GRM7: variants seen among roughly 807,000 people sequenced by gnomAD.
GRM7 encodes metabotropic glutamate receptor 7.
Under a neutral mutation model 84.5 loss-of-function variants are expected in GRM7, and 35 were observed. The observed-to-expected ratio is 0.41, with a 90% CI of 0.32 to 0.55. The LOEUF is 0.55. Ranked by LOEUF, GRM7 falls within the 20% of genes least tolerant of loss-of-function variation. GRM7 has a pLI of 0.19. For synonymous variants in GRM7, 487 were observed against 455.1 expected (o/e 1.07, Z -0.89); for missense variants, 1,003 against 1,194.6 (o/e 0.84, Z 2.36).
intron 7 of GRM7, among the ~76,000 whole-genome samples, chr3:7,498,878 C>A (rs1327390874): frequency 6.6e-6 from 1 of 152,206 alleles, no homozygotes; most frequent in Non-Finnish European, 1.5e-5. Flanking sequence ...TCCTTGGCTG[C>A]CTCCTTCCAC....
At chr3:7,408,440 A>C (rs1254064902) in intron 4 of GRM7, among the ~76,000 whole-genome samples, 1 of 152,196 alleles carries the variant, frequency 6.6e-6, no homozygotes, top group East Asian at 1.9e-4. Flanking sequence ...TTGTTTTCTC[A>C]AAAATAATGG....
chr3:6,943,578 C>T (rs1168711213), intron 1 of GRM7, among the ~76,000 whole-genome samples: 1 of 151,992 alleles, frequency 6.6e-6, no homozygotes, highest in Non-Finnish European at 1.5e-5. Context: ...CGATATCCTA[C>T]TTTGTCAATT....
chr3:7,098,497 T>G (rs1166310857), intron 1 of GRM7, among the ~76,000 whole-genome samples: 1 of 151,990 alleles, frequency 6.6e-6, no homozygotes, highest in Non-Finnish European at 1.5e-5. Flanking sequence ...GAATCAGATA[T>G]GAGATTTTTT....
chr3:7,284,956 A>G (rs1699378472), intron 2 of GRM7, among the ~76,000 whole-genome samples: 1 of 152,210 alleles, frequency 6.6e-6, no homozygotes, highest in South Asian at 2.1e-4. Context: ...ATATATTACT[A>G]AAACTTAATA....
chr3:7,515,957 A>G (rs1700360409), intron 7 of GRM7, among the ~76,000 whole-genome samples: 1 of 151,918 alleles, frequency 6.6e-6, no homozygotes, highest in Admixed American at 6.6e-5. Flanking sequence ...AGCCTGGGAA[A>G]CATAGGGAGA....
At chr3:7,172,746 T>C (rs1053188669) in intron 2 of GRM7, among the ~76,000 whole-genome samples, 42 of 152,082 alleles carry the variant, frequency 2.8e-4, no homozygotes, top group Non-Finnish European at 5.4e-4. Context: ...AAGGATTACA[T>C]CCAGTGGTCC....
At chr3:7,211,703 G>A (rs191815316) in intron 2 of GRM7, among the ~76,000 whole-genome samples, 181 of 149,214 alleles carry the variant, frequency 1.2e-3, no homozygotes, top group African/African-American at 4.2e-3. Flanking sequence ...TGTTGCGGAT[G>A]TCAACAGGAA....
chr3:7,099,134 A>G (rs1378427088), intron 1 of GRM7, among the ~76,000 whole-genome samples: 1 of 151,436 alleles, frequency 6.6e-6, no homozygotes, highest in Admixed American at 6.6e-5. Flanking sequence ...ATGAATGCAC[A>G]AGAAATGAAG....
chr3:6,928,861 A>G lies in GRM7; in HGVS notation c.519+66954A>G, dbSNP rs1697399742. 6.6e-6 allele frequency among the ~76,000 whole-genome samples: 1 copy of G among 152,210 alleles called. No homozygotes were observed. Among genetic ancestry groups the G allele is most frequent in the Non-Finnish European group, 1.5e-5 (1 of 68,040 alleles). ...TCATTCATGATGATTAGGTTCCCCC[A>G]TATTTGAACTGGTACATAAAATGCC... On this transcript the variant is annotated intron_variant, in intron 1 of 9. Transcript: ENST00000357716. The surrounding 1 kb of genome is among the most constrained non-coding windows in gnomAD (Gnocchi z 4.5).
intron 4 of GRM7, among the ~76,000 whole-genome samples, chr3:7,359,220 TTGTG>T (rs34535570): frequency 0.02 from 2,618 of 133,084 alleles, 215 homozygotes; most frequent in African/African-American, 0.032. Context: ...GTGTTTGTGT[TTGTG>T]TGTGTGTGTG....
chr3:7,605,838 A>G (rs1696534588), intron 8 of GRM7, among the ~76,000 whole-genome samples: 1 of 152,252 alleles, frequency 6.6e-6, no homozygotes, highest in South Asian at 2.1e-4. Context: ...CTTGTGAGGT[A>G]TAACATCTCC....
At chr3:7,349,623 C>T (rs183546003) in intron 4 of GRM7, among the ~76,000 whole-genome samples, 124 of 152,222 alleles carry the variant, frequency 8.1e-4, no homozygotes, top group African/African-American at 2.8e-3. Flanking sequence ...GGCGCAGCCC[C>T]TGGGGAACTT....
In GRM7 at chr3:7,393,961, C is replaced by T. The variant is rs371985187; in HGVS notation, c.1034-21062C>T. Among the ~76,000 whole-genome samples the T allele has an allele frequency of 2.1e-3, 315 of 152,256 alleles. 2 individuals carry two copies. Among genetic ancestry groups the T allele is most frequent in the Middle Eastern group, 0.01 (3 of 294 alleles). On this transcript the variant is annotated intron_variant, in intron 4 of 9. Coordinates refer to ENST00000357716, the MANE Select transcript of GRM7 (RefSeq NM_000844.4). ...TATAACAATTAAGTGGTACAGTTTTCGCACCTTAGGCACTCTGTATGTATT... is the reference window on the plus strand; with the variant it reads ...TATAACAATTAAGTGGTACAGTTTTTGCACCTTAGGCACTCTGTATGTATT...
chr3:6,889,423 TGA>T (rs1298837893), intron 1 of GRM7, among the ~76,000 whole-genome samples: 1 of 151,842 alleles, frequency 6.6e-6, no homozygotes, highest in Non-Finnish European at 1.5e-5. Context: ...CCTAATTTAT[TGA>T]GAGTTTTTAG....
intron 2 of GRM7, among the ~76,000 whole-genome samples, chr3:7,250,000 C>A (rs1697920474): frequency 6.6e-6 from 1 of 152,152 alleles, no homozygotes; most frequent in Non-Finnish European, 1.5e-5. Flanking sequence ...CATGGGCATC[C>A]TTATGCTCCA....
At chr3:6,891,739 T>C (rs192914618) in intron 1 of GRM7, among the ~76,000 whole-genome samples, 2 of 152,302 alleles carry the variant, frequency 1.3e-5, no homozygotes, top group African/African-American at 4.8e-5. Flanking sequence ...AGGAGTATCT[T>C]TGTGGCGTTC....
chr3:7,274,686 T>A (rs1698988010), intron 2 of GRM7, among the ~76,000 whole-genome samples: 1 of 152,066 alleles, frequency 6.6e-6, no homozygotes, highest in African/African-American at 2.4e-5. Context: ...ACCCATGGAT[T>A]CTTTCATAAT....
intron 2 of GRM7, among the ~76,000 whole-genome samples, chr3:7,264,804 C>T (rs1361679165): frequency 0.02 from 1 of 50 alleles, no homozygotes; most frequent in Non-Finnish European, 0.031. Context: ...GCGGTACTTC[C>T]AGTACAGGCC....
intron 5 of GRM7, among the ~76,000 whole-genome samples, chr3:7,449,625 C>G (rs1358125259): frequency 1.3e-5 from 1 of 75,854 alleles, no homozygotes; most frequent in Non-Finnish European, 2.5e-5. Flanking sequence ...AGAAAGTAAA[C>G]CATGAAACAG....
Sources: allele counts gnomAD v4.1 joint callset (sites outside exome capture counted in the v4.1 genomes callset), GRCh38; gene constraint gnomAD v4.1.1; non-coding constraint Gnocchi (gnomAD v3.1); transcripts MANE v1.5; gene names NCBI Gene and HGNC (gene_info 2026-07-23, HGNC 2026-07-21).